Variants in ZNF469 observed in about 807,000 individuals in gnomAD.
ZNF469 encodes zinc finger protein 469.
Under a neutral mutation model 1.0 loss-of-function variants are expected in ZNF469, and 1 was observed. The observed-to-expected ratio is 1.00, with a 90% CI of 0.35 to 4.73. The LOEUF (loss-of-function observed/expected upper bound fraction) is 4.73. ZNF469 is among the 30% of genes most tolerant of loss of function. The pLI, the probability that ZNF469 is intolerant of heterozygous loss-of-function variation, is 0.16. For synonymous variants in ZNF469, 2,703 were observed against 2,363.4 expected (o/e 1.14, Z -4.17); for missense variants, 6,100 against 5,356.3 (o/e 1.14, Z -4.33).
intron 1 of ZNF469, among the ~76,000 whole-genome samples, chr16:88,411,052 T>C (rs1205071638): frequency 6.6e-6 from 1 of 152,180 alleles, no homozygotes; most frequent in Non-Finnish European, 1.5e-5. Flanking sequence ...TGTCTTTGGA[T>C]GTAGAGCCCC....
chr16:88,212,609 C>A, the ZNF469 span, among the ~76,000 whole-genome samples: 3 of 152,070 alleles, frequency 2.0e-5, no homozygotes, highest in African/African-American at 4.8e-5. Flanking sequence ...TAGACAAGGT[C>A]TCACTCTGTC....
Position 88,431,371 on chromosome 16 carries a change from C to T in ZNF469, c.3901C>T (p.Leu1301=). The part of the protein sequence containing the change: ...GSSPTPGVGS[L]LGGPGGTQAP... ...CTCGCCAACGCCAGGTGTGGGCAGC[C>T]TGCTGGGTGGTCCTGGGGGCACACA... The change falls in exon 3 of 3, where the codon CTG becomes TTG. Residue 1301 remains leucine (L), a synonymous_variant. Transcript: ENST00000565624. 6.5e-7 allele frequency: 1 copy of T among 1,550,096 alleles called. No individual in the cohort carries two copies. Among genetic ancestry groups the T allele is most frequent in the Non-Finnish European group, 8.7e-7 (1 of 1,146,926 alleles).
the ZNF469 span, among the ~76,000 whole-genome samples, chr16:88,208,693 C>A: frequency 1.3e-5 from 2 of 149,824 alleles, no homozygotes; most frequent in South Asian, 4.3e-4. Context: ...GAAGGAAGCA[C>A]GCACAGATAA....
chr16:88,252,077 G>T, the ZNF469 span, among the ~76,000 whole-genome samples: 34 of 147,868 alleles, frequency 2.3e-4, no homozygotes, highest in East Asian at 6.1e-3. Context: ...AGCATCTACG[G>T]CTTCAGGTGT....
In ZNF469 at chr16:88,429,546, C is replaced by G. The variant is rs1423622583; in HGVS notation, c.2076C>G (p.His692Gln). The G allele has an allele frequency of 3.9e-6, 6 of 1,550,042 alleles. No individual in the cohort carries two copies. The highest frequency in any genetic ancestry group is 5.2e-6 in the Non-Finnish European group (6 of 1,146,874). ...FQCLEETPFPHEGPEVGRGGL... is the reference protein window; with the variant it reads ...FQCLEETPFPQEGPEVGRGGL... Reference sequence around the variant, plus strand: ...GCCTGGAGGAGACCCCATTCCCCCACGAGGGCCCCGAGGTGGGTCGGGGAG... The same window carrying G: ...GCCTGGAGGAGACCCCATTCCCCCAGGAGGGCCCCGAGGTGGGTCGGGGAG... Residue 692 changes from histidine (H) to glutamine (Q), a missense_variant, in exon 3 of 3, where the codon CAC becomes CAG. Physicochemically the swap from His to Gln is conservative, Grantham distance 24 (BLOSUM62 0). Transcript: ENST00000565624.
chr16:88,333,141 C>T, the ZNF469 span, among the ~76,000 whole-genome samples: 9 of 152,170 alleles, frequency 5.9e-5, no homozygotes, highest in Non-Finnish European at 7.3e-5. Context: ...GTGGGCAAAG[C>T]GAGTGTCCCC....
the ZNF469 span, among the ~76,000 whole-genome samples, chr16:88,149,372 C>T: frequency 1.3e-5 from 2 of 152,122 alleles, no homozygotes; most frequent in African/African-American, 2.4e-5. Context: ...AGACCAAAGC[C>T]GTCCAGCCGC....
chr16:88,432,764 T>G lies in ZNF469; in HGVS notation c.5294T>G (p.Leu1765Arg), dbSNP rs546280073. The stretch of plus-strand genomic sequence containing the variant: ...AGCTCACAAGAAAGTGAAGACTCCC[T>G]GCGGCTGCTTCCCTGTGAACAGAGA... ...AASSQESEDS[L>R]RLLPCEQRGG... The change falls in exon 3 of 3, where the codon CTG becomes CGG. Residue 1765 changes from leucine to arginine, a missense_variant. Transcript: ENST00000565624. 1.9e-5 allele frequency: 29 copies of G among 1,550,406 alleles called. No individual in the cohort carries two copies. In the East Asian group the frequency reaches 6.8e-4, roughly 37 times the overall value.
chr16:88,315,280 T>C, the ZNF469 span, among the ~76,000 whole-genome samples: 3 of 152,148 alleles, frequency 2.0e-5, no homozygotes, highest in African/African-American at 7.2e-5. Context: ...CTGAGGTCCC[T>C]GGGGCAGGGG....
chr16:88,435,254 A>G lies in ZNF469; in HGVS notation c.7784A>G (p.Asp2595Gly). ...ACTCCGGCCTCCAAGCCCAGACCAG[A>G]CCAGGCCAGGGAAGATGAGCTGCAT... ...VKTPASKPRP[D>G]QAREDELHPK... The change falls in exon 3 of 3, where the codon GAC becomes GGC. Residue 2595 changes from aspartate (D) to glycine (G), a missense_variant. By Grantham distance (94) the Asp-to-Gly change is moderately conservative. Coordinates refer to ENST00000565624, the MANE Select transcript of ZNF469 (RefSeq NM_001367624.2). The G allele has an allele frequency of 6.5e-7, 1 of 1,550,368 alleles. No homozygotes were observed. Among genetic ancestry groups the G allele is most frequent in the Non-Finnish European group, 8.7e-7 (1 of 1,146,982 alleles).
chr16:88,302,008 G>C, the ZNF469 span, among the ~76,000 whole-genome samples: 1 of 152,230 alleles, frequency 6.6e-6, no homozygotes, highest in Admixed American at 6.5e-5. Flanking sequence ...CTGAGGCTCA[G>C]GGAAGCCCTG....
At chr16:88,321,657 A>C in the ZNF469 span, among the ~76,000 whole-genome samples, 160 of 148,972 alleles carry the variant, frequency 1.1e-3, no homozygotes, top group Middle Eastern at 7.1e-3. Flanking sequence ...TGACCCTCGG[A>C]TTCTGCTCAT....
chr16:88,327,253 G>C, the ZNF469 span, among the ~76,000 whole-genome samples: 1 of 152,110 alleles, frequency 6.6e-6, no homozygotes, highest in Non-Finnish European at 1.5e-5. Flanking sequence ...TGCCTCCCCG[G>C]CACTGGTTCT....
chr16:88,117,445 T>G, the ZNF469 span, among the ~76,000 whole-genome samples: 1,668 of 152,336 alleles, frequency 0.011, 19 homozygotes, highest in Non-Finnish European at 0.016. Context: ...CCCTTTGATC[T>G]TTTTTTACTT....
the ZNF469 span, among the ~76,000 whole-genome samples, chr16:88,247,524 A>ATGAGTGAGTGAG: frequency 6.6e-6 from 1 of 150,390 alleles, no homozygotes; most frequent in South Asian, 2.1e-4. Context: ...GAGTGAGTGA[A>ATGAGTGAGTGAG]TGAGTGAGTG....
At chr16:88,229,082 A>G in the ZNF469 span, among the ~76,000 whole-genome samples, 2 of 152,256 alleles carry the variant, frequency 1.3e-5, no homozygotes, top group Admixed American at 1.3e-4. Flanking sequence ...GACTTTTCCA[A>G]AACTTCAAAC....
At chr16:88,198,427 C>T in the ZNF469 span, among the ~76,000 whole-genome samples, 1 of 152,240 alleles carries the variant, frequency 6.6e-6, no homozygotes, top group South Asian at 2.1e-4. Flanking sequence ...TCCAAACTTC[C>T]TGCAATGGCA....
the ZNF469 span, among the ~76,000 whole-genome samples, chr16:88,277,364 G>C: frequency 6.8e-6 from 1 of 147,314 alleles, no homozygotes; most frequent in Admixed American, 6.8e-5. Flanking sequence ...GTACCGTGTA[G>C]ATATCATTAG....
the ZNF469 span, among the ~76,000 whole-genome samples, chr16:88,305,172 A>G: frequency 6.6e-6 from 1 of 152,326 alleles, no homozygotes; most frequent in African/African-American, 2.4e-5. Flanking sequence ...GGGGCAGGCC[A>G]CACTGAGGGG....
Sources: allele counts gnomAD v4.1 joint callset (sites outside exome capture counted in the v4.1 genomes callset), GRCh38; gene constraint gnomAD v4.1.1; transcripts MANE v1.5; gene names NCBI Gene and HGNC (gene_info 2026-07-23, HGNC 2026-07-21).